Variants in ADAM8 observed in about 807,000 individuals in gnomAD.
The protein encoded by ADAM8 is ADAM metallopeptidase domain 8.
In ADAM8, 104 loss-of-function variants were observed where a neutral mutation model predicts 102.4. The observed-to-expected ratio is 1.02, with a 90% confidence interval of 0.87 to 1.20. The LOEUF (loss-of-function observed/expected upper bound fraction) is 1.20, where lower values mean the gene tolerates loss of function less well. Among genes scored for constraint, ADAM8 ranks in the 50% most tolerant of loss-of-function variants. ADAM8 has a pLI of 0.00. For missense variants in ADAM8, 1,132 were observed against 1,159.0 expected (o/e 0.98, Z 0.34); for synonymous variants, 517 against 485.2 (o/e 1.07, Z -0.86).
At chr10:133,267,797 C>A in intron 20 of ADAM8, 132 bp downstream of exon 20, 1 of 984,400 alleles carries the variant, frequency 1.0e-6, no homozygotes, top group Non-Finnish European at 1.4e-6. Context: ...CTGCTCTGGG[C>A]CTCGGGGCCA....
At chr10:133,272,324 T>TTACCAC in intron 9 of ADAM8, 50 bp from the exon 10 acceptor site, 1 of 1,430,774 alleles carries the variant, frequency 7.0e-7, no homozygotes. Flanking sequence ...CCTCCCCACT[T>TTACCAC]CCCTCCCACC....
At position 133,267,867 on chromosome 10, in the gene ADAM8, G is replaced by A. The variant is rs191920469; in HGVS notation, c.2253+62C>T. 2.8e-4 allele frequency: 346 copies of A among 1,245,722 alleles called. 4 individuals carry two copies. In the African/African-American group the frequency reaches 4.7e-3, roughly 17 times the overall value. 77.2% of individuals were successfully genotyped at this position (1,245,722 alleles called of 1,614,324 possible). A position where few individuals can be genotyped will look rare whatever the true frequency, so the allele number is the denominator to read the frequency against. On this transcript the variant is annotated intron_variant, in intron 20 of 22. Coordinates refer to ENST00000445355, the MANE Select transcript of ADAM8 (RefSeq NM_001109.5). ...CTGCTGGCCTCGGGCTGCACTTGGG[G>A]TCGCAGGATGGGGCCTGGGCACTGC...
chr10:133,266,327 C>G (rs1223174096), intron 21 of ADAM8, among the ~76,000 whole-genome samples: 1 of 152,088 alleles, frequency 6.6e-6, no homozygotes, highest in African/African-American at 2.4e-5. Flanking sequence ...TGTGGCCATT[C>G]GGGAGCAGGC....
At position 133,267,387 on chromosome 10, in the gene ADAM8, G is replaced by C; in HGVS notation, c.2284C>G (p.Pro762Ala). The change falls in exon 21 of 23, where the codon CCA becomes GCA. Residue 762 changes from proline (P) to alanine (A), a missense_variant. By Grantham distance (27) the Pro-to-Ala change is conservative. Transcript: ENST00000445355. ...GCCTGCCGGGTGTAGACAGGAACTG[G>C]GAAGGGTGGGCTGGACACAGTGACC... is the stretch of plus-strand genomic sequence containing the variant. ...PPVTVSSPPF[P>A]VPVYTRQAPK... The C allele has an allele frequency of 6.2e-7, 1 of 1,610,666 alleles. No homozygotes were observed. The highest frequency in any genetic ancestry group is 2.2e-5 in the East Asian group (1 of 44,766).
At position 133,269,469 on chromosome 10, in the gene ADAM8, T is replaced by C. The variant is rs1342543506; in HGVS notation, c.1924A>G (p.Lys642Glu). ...HAGWAPPHCA[K>E]LLTEVHAASG... The stretch of plus-strand genomic sequence containing the variant: ...CCTGCGTGCACCTCAGTCAGCAGCT[T>C]CGCGCAGTGGGGCGGGGCCCAGCCC... Residue 642 changes from lysine (K) to glutamate (E), a missense_variant, in exon 18 of 23, where the codon AAG (lysine) becomes GAG (glutamate). Lys to Glu is a moderately conservative substitution (Grantham distance 56). Transcript: ENST00000445355. 2.5e-6 allele frequency: 4 copies of C among 1,600,368 alleles called. No individual in the cohort carries two copies. The Admixed American group carries it at 6.7e-5, about 27-fold the overall frequency.
intron 21 of ADAM8, among the ~76,000 whole-genome samples, chr10:133,265,334 A>C (rs1846293963): frequency 6.6e-6 from 1 of 151,808 alleles, no homozygotes; most frequent in Non-Finnish European, 1.5e-5. Context: ...TGCCCCATAT[A>C]CTGCTATGCC....
chr10:133,274,141 G>A lies in ADAM8; in HGVS notation c.227+18C>T, dbSNP rs373199542. 45 of 1,581,274 alleles carry A rather than the reference G, an allele frequency of 2.8e-5. No homozygotes were observed. Among genetic ancestry groups the A allele is most frequent in the South Asian group, 3.5e-5 (3 of 86,858 alleles). ...GGAGCCAGGCCCGGGCAGGGGGGCC[G>A]ACCCGAGACCCACTCACCTGTTCTT... On this transcript the variant is annotated intron_variant, in intron 3 of 22. Coordinates refer to ENST00000445355, the MANE Select transcript of ADAM8 (RefSeq NM_001109.5).
At chr10:133,264,986 C>T (rs1291654425) in intron 21 of ADAM8, among the ~76,000 whole-genome samples, 4 of 142,142 alleles carry the variant, frequency 2.8e-5, no homozygotes, top group African/African-American at 1.1e-4. Flanking sequence ...ACCTCCACGC[C>T]TGTTCCTGCT....
In ADAM8 at chr10:133,263,726, T is replaced by C; in HGVS notation, c.2359A>G (p.Lys787Glu). ...GGGTTGGCCGCACCAGCCCCGGGTTTGACTGGGGGCACTGGGGGTGCGAAC... is the reference window on the plus strand; with the variant it reads ...GGGTTGGCCGCACCAGCCCCGGGTTCGACTGGGGGCACTGGGGGTGCGAAC... ...PTFAPPVPPV[K>E]PGAGAANPGP... The change falls in exon 22 of 23, where the codon AAA becomes GAA. Residue 787 changes from lysine to glutamate, a missense_variant. Physicochemically the swap from Lys to Glu is moderately conservative, Grantham distance 56 (BLOSUM62 1). Transcript: ENST00000445355. 1.3e-6 allele frequency: 2 copies of C among 1,551,408 alleles called. No individual in the cohort carries two copies. The highest frequency in any genetic ancestry group is 1.2e-5 in the South Asian group (1 of 83,222).
chr10:133,265,472 G>A (rs529281780), intron 21 of ADAM8, among the ~76,000 whole-genome samples: 24 of 152,288 alleles, frequency 1.6e-4, no homozygotes, highest in Non-Finnish European at 2.6e-4. Context: ...CAAATAAAAA[G>A]TTAAAAAGGA....
Position 133,273,253 on chromosome 10 carries a change from C to A in ADAM8, c.573+1G>T. On this transcript the variant is annotated splice_donor_variant, in intron 6 of 22. Transcript: ENST00000445355. LOFTEE classifies it high-confidence loss of function. ...CAAACACAGGAGACAAGGGTGCTCACCCCGGGCCGAGGCCTGAAGACGGCT... is the reference window on the plus strand; with the variant it reads ...CAAACACAGGAGACAAGGGTGCTCAACCCGGGCCGAGGCCTGAAGACGGCT... The A allele has an allele frequency of 2.5e-6, 4 of 1,602,102 alleles. No homozygotes were observed. Among genetic ancestry groups the A allele is most frequent in the South Asian group, 1.1e-5 (1 of 90,030 alleles).
Position 133,273,289 on chromosome 10 carries a change from G to A in ADAM8, c.538C>T (p.Pro180Ser), listed in dbSNP as rs1305505340. 1.9e-6 allele frequency: 3 copies of A among 1,597,760 alleles called. No homozygotes were observed. The Admixed American group carries it at 5.1e-5, about 27-fold the overall frequency. Reference sequence around the variant, plus strand: ...GGCCTGAAGACGGCTGCCGTCCGGGGTCCCAGGAGGCTGCCCAGGCTGTCG... The same window carrying A: ...GGCCTGAAGACGGCTGCCGTCCGGGATCCCAGGAGGCTGCCCAGGCTGTCG... ...SDDSLGSLLG[P>S]RTAAVFRPRP... The change falls in exon 6 of 23, where the codon CCC becomes TCC. Residue 180 changes from proline (P) to serine (S), a missense_variant. By Grantham distance (74) the Pro-to-Ser change is moderately conservative. Transcript: ENST00000445355.
chr10:133,270,331 G>A, intron 16 of ADAM8, 29 bp downstream of exon 16: 1 of 1,561,958 alleles, frequency 6.4e-7, no homozygotes, highest in African/African-American at 1.4e-5. Context: ...TGCCTGGGGG[G>A]TGGCGCGGCC....
chr10:133,269,379 C>A, intron 18 of ADAM8, 66 bp downstream of exon 18: 1 of 1,412,976 alleles, frequency 7.1e-7, no homozygotes, highest in South Asian at 1.5e-5. Context: ...CGGCTTCTGC[C>A]TGGGCTCTGT....
At chr10:133,276,385 T>G (rs1415197594) in intron 1 of ADAM8, among the ~76,000 whole-genome samples, 1 of 152,158 alleles carries the variant, frequency 6.6e-6, no homozygotes, top group African/African-American at 2.4e-5. Flanking sequence ...ACTCCAGGCC[T>G]CAGCTTGTCT....
intron 22 of ADAM8, 50 bp from the exon 23 acceptor site, chr10:133,263,283 G>A (rs1846218335): frequency 1.3e-6 from 2 of 1,504,206 alleles, no homozygotes; most frequent in African/African-American, 1.4e-5. Context: ...TGCTATAAAA[G>A]GTATATAAAG....
Position 133,276,852 on chromosome 10 carries a change from C to G in ADAM8, c.-35G>C. On this transcript the variant is annotated 5_prime_UTR_variant, in exon 1 of 23. Transcript: ENST00000445355. The stretch of plus-strand genomic sequence containing the variant: ...GGGGAGCAGAGGCGGAGGTGACAGC[C>G]CCGCGGGACACGGTCTGGTTCCTGC... 1 of 1,513,282 alleles carries G rather than the reference C, an allele frequency of 6.6e-7. No homozygotes were observed. The highest frequency in any genetic ancestry group is 8.8e-7 in the Non-Finnish European group (1 of 1,135,256). 93.7% of individuals were successfully genotyped at this position (1,513,282 alleles called of 1,614,324 possible).
rs1359085949 is a variant in ADAM8, at chr10:133,272,573, G to T, written c.718C>A (p.Leu240Ile). The change falls in exon 9 of 23, where the codon CTC becomes ATC. Residue 240 changes from leucine (L) to isoleucine (I), a missense_variant. Transcript: ENST00000445355. ...VNHVDKLYQK[L>I]NFRVVLVGLE... ...CCCACCAGGACCACACGGAAGTTGA[G>T]TTTCTGATATAGCTGGAGAGGTGGT... The T allele has an allele frequency of 6.2e-7, 1 of 1,610,230 alleles. No individual in the cohort carries two copies. Among genetic ancestry groups the T allele is most frequent in the South Asian group, 1.1e-5 (1 of 90,966 alleles).
rs767160793 is a variant in ADAM8 at position 133,271,223 on chromosome 10, C to T, written c.1351G>A (p.Gly451Ser). ...ACCTTGCACTCCTGGCAGCAGGTAC[C>T]GTGCGCACACTGGGCCCCCTCAGCC... The part of the protein sequence containing the change: ...QLAEGAQCAH[G>S]TCCQECKVKP... Residue 451 changes from glycine to serine, a missense_variant, in exon 13 of 23, where the codon GGT becomes AGT. By Grantham distance (56) the Gly-to-Ser change is moderately conservative. Coordinates refer to ENST00000445355, the MANE Select transcript of ADAM8 (RefSeq NM_001109.5). 54 of 1,611,686 alleles carry T rather than the reference C, an allele frequency of 3.4e-5. No individual in the cohort carries two copies. Among genetic ancestry groups the T allele is most frequent in the Non-Finnish European group, 4.2e-5 (49 of 1,179,688 alleles).
Sources: gnomAD v4.1 joint callset for allele counts (sites outside exome capture counted in the v4.1 genomes callset) on GRCh38, gnomAD v4.1.1 for gene constraint, MANE v1.5 for transcripts, NCBI Gene and HGNC (gene_info 2026-07-23, HGNC 2026-07-21) for gene names.